Variants in GUCY2F observed in about 807,000 individuals in gnomAD.
The protein encoded by GUCY2F is retinal guanylyl cyclase 2.
In GUCY2F, 61 loss-of-function variants were observed where a neutral mutation model predicts 73.1. The ratio of observed to expected loss-of-function variants is 0.83; its 90% CI spans 0.68 to 1.03. The LOEUF is 1.03. GUCY2F is among the 50% of genes least tolerant of loss of function. GUCY2F has a pLI of 0.00. For synonymous variants in GUCY2F, 331 were observed against 307.8 expected (o/e 1.08, Z -0.79); for missense variants, 912 against 854.3 (o/e 1.07, Z -0.84).
At chrX:109,387,140 G>A in intron 15 of GUCY2F, among the ~76,000 whole-genome samples, 1 of 112,168 alleles carries the variant, frequency 8.9e-6, no homozygotes, top group Non-Finnish European at 1.9e-5. Context: ...CTATTGCAGT[G>A]ATCCAGGCAA....
chrX:109,404,611 G>A (rs186656600), intron 9 of GUCY2F, 127 bp from the exon 10 acceptor site: 1 of 473,886 alleles, frequency 2.1e-6, no homozygotes. Context: ...TCTCTTCTAT[G>A]CAGGCAAAGT....
intron 7 of GUCY2F, among the ~76,000 whole-genome samples, chrX:109,440,201 A>G (rs1931838663): frequency 8.9e-6 from 1 of 111,935 alleles, no homozygotes; most frequent in African/African-American, 3.3e-5. Context: ...CTCTGCTACA[A>G]AGATGGTGCC....
intron 3 of GUCY2F, among the ~76,000 whole-genome samples, chrX:109,463,052 AT>A (rs898839181): frequency 8.9e-6 from 1 of 111,883 alleles, no homozygotes; most frequent in African/African-American, 3.3e-5. Context: ...TCTGTTATTA[AT>A]TTTTTTATTA....
intron 2 of GUCY2F, among the ~76,000 whole-genome samples, chrX:109,466,565 G>T (rs1287721466): frequency 1.8e-5 from 2 of 111,273 alleles, no homozygotes; most frequent in Non-Finnish European, 3.8e-5. Context: ...TTTACCCTTG[G>T]CATGCTAAAT....
At chrX:109,383,700 T>C (rs188811539) in intron 16 of GUCY2F, among the ~76,000 whole-genome samples, 85 of 112,309 alleles carry the variant, frequency 7.6e-4, no homozygotes, top group Non-Finnish European at 1.4e-3. Flanking sequence ...CAGTGCTTAA[T>C]AAACACCTGC....
chrX:109,375,788 A>G (rs1930163398), intron 19 of GUCY2F, 110 bp downstream of exon 19: 2 of 577,948 alleles, frequency 3.5e-6, no homozygotes, highest in Non-Finnish European at 3.0e-6. Context: ...CTCCAGCTCC[A>G]TCACACTATG....
intron 6 of GUCY2F, among the ~76,000 whole-genome samples, chrX:109,444,435 T>C (rs1393965570): frequency 8.9e-6 from 1 of 112,063 alleles, no homozygotes; most frequent in Non-Finnish European, 1.9e-5. Context: ...GGCACAGTTG[T>C]GTAGCAAGAG....
At chrX:109,440,475 G>A (rs907330173) in intron 7 of GUCY2F, among the ~76,000 whole-genome samples, 1 of 109,844 alleles carries the variant, frequency 9.1e-6, no homozygotes, top group Non-Finnish European at 1.9e-5. Flanking sequence ...ATCTAATGGA[G>A]AAGAGTATTC....
chrX:109,412,447 C>T (rs1384025078), intron 8 of GUCY2F, among the ~76,000 whole-genome samples: 1 of 111,496 alleles, frequency 9.0e-6, no homozygotes, highest in Non-Finnish European at 1.9e-5. Flanking sequence ...AGCATAAGGG[C>T]CTGGCACCCA....
intron 4 of GUCY2F, among the ~76,000 whole-genome samples, chrX:109,452,480 C>T (rs1932156090): frequency 8.9e-6 from 1 of 111,996 alleles, no homozygotes. Flanking sequence ...TAAGTATTAT[C>T]TTGCCTTCAT....
At chrX:109,451,544 A>C (rs1932134319) in intron 5 of GUCY2F, among the ~76,000 whole-genome samples, 1 of 111,690 alleles carries the variant, frequency 9.0e-6, no homozygotes. Context: ...TACTTATTTT[A>C]GTTTACTTAA....
intron 10 of GUCY2F, among the ~76,000 whole-genome samples, chrX:109,401,579 T>C (rs184463775): frequency 7.6e-4 from 85 of 112,207 alleles, no homozygotes; most frequent in Non-Finnish European, 1.9e-4. Context: ...TGTCAGGAAC[T>C]GTGAAAGGCA....
chrX:109,450,396 C>T (rs1303301521), intron 5 of GUCY2F, among the ~76,000 whole-genome samples: 2 of 111,487 alleles, frequency 1.8e-5, no homozygotes, highest in Non-Finnish European at 3.8e-5. Flanking sequence ...CCAGTGAAAA[C>T]TGTCAGTTGC....
At position 109,392,977 on chromosome X, in the gene GUCY2F, A is replaced by G; in HGVS notation, c.2503T>C (p.Leu835=). Residue 835 remains leucine (L), a synonymous_variant, in exon 13 of 20, where the codon TTG becomes CTG. Coordinates refer to ENST00000218006, the MANE Select transcript of GUCY2F (RefSeq NM_001522.3). The part of the protein sequence containing the change: ...LRMLEQYSSN[L]EDLIRERTEE... ...GTCCGCTCCCGAATCAAATCTTCCA[A>G]GTTGCTAGAATATTGCTCCAACATC... is the stretch of plus-strand genomic sequence containing the variant. The G allele has an allele frequency of 6.1e-6, 7 of 1,138,341 alleles. No individual in the cohort carries two copies. The highest frequency in any genetic ancestry group is 8.4e-6 in the Non-Finnish European group (7 of 828,734). 93.8% of individuals were successfully genotyped at this position (1,138,341 alleles called of 1,213,427 possible).
chrX:109,430,796 T>C (rs1308430549), intron 7 of GUCY2F, among the ~76,000 whole-genome samples: 1 of 111,758 alleles, frequency 8.9e-6, no homozygotes, highest in Non-Finnish European at 1.9e-5. Flanking sequence ...CCTTGAGGCG[T>C]CTGTAGAGGG....
At chrX:109,414,891 G>A (rs115427522) in intron 8 of GUCY2F, among the ~76,000 whole-genome samples, 2,002 of 111,642 alleles carry the variant, frequency 0.018, 44 homozygotes, top group African/African-American at 0.062. Context: ...TAAGCAGAGC[G>A]GTTGAGGGAA....
chrX:109,474,960 C>G (rs1274096326), intron 2 of GUCY2F, among the ~76,000 whole-genome samples: 1 of 112,117 alleles, frequency 8.9e-6, no homozygotes, highest in Non-Finnish European at 1.9e-5. Context: ...CACTCAGGCG[C>G]TAAGAGCAGG....
At chrX:109,427,544 C>A (rs987525007) in intron 8 of GUCY2F, among the ~76,000 whole-genome samples, 4 of 112,112 alleles carry the variant, frequency 3.6e-5, no homozygotes, top group African/African-American at 1.3e-4. Context: ...CTATATCTGG[C>A]TCACAAAGAT....
chrX:109,418,279 A>C (rs896588741), intron 8 of GUCY2F, among the ~76,000 whole-genome samples: 2 of 112,031 alleles, frequency 1.8e-5, no homozygotes, highest in African/African-American at 6.4e-5. Flanking sequence ...AGGATATAGA[A>C]GATCTGAATC....
Sources: gnomAD v4.1 joint callset for allele counts (sites outside exome capture counted in the v4.1 genomes callset) on GRCh38, gnomAD v4.1.1 for gene constraint, MANE v1.5 for transcripts, NCBI Gene and HGNC (gene_info 2026-07-23, HGNC 2026-07-21) for gene names.